The following CLDN14 variants were observed in gnomAD, a reference collection of about 807,000 sequenced individuals.
CLDN14 encodes the protein claudin 14.
CLDN14 carries 2 observed loss-of-function variants against 2.1 expected under a neutral mutation model. The observed-to-expected ratio is 0.96, with a 90% confidence interval of 0.39 to 3.01. The LOEUF is 3.01. Ranked by LOEUF, CLDN14 falls within the 30% of genes most tolerant of loss-of-function variation. The pLI, the probability that CLDN14 is intolerant of heterozygous loss-of-function variation, is 0.09. For missense variants in CLDN14, 298 were observed against 328.0 expected (o/e 0.91, Z 0.71); for synonymous variants, 136 against 154.4 (o/e 0.88, Z 0.88).
In CLDN14 at chr21:36,499,809, G is replaced by C. The variant is rs1411629482; in HGVS notation, c.-82+10554C>G. 6.6e-6 allele frequency among the ~76,000 whole-genome samples: 1 copy of C among 152,100 alleles called. No individual in the cohort carries two copies. The highest frequency in any genetic ancestry group is 6.5e-5 in the Admixed American group (1 of 15,268). On this transcript the variant is annotated intron_variant, in intron 2 of 2. Transcript: ENST00000342108. The surrounding 1 kb of genome is among the most constrained non-coding windows in gnomAD (Gnocchi z 4.7). ...GCCAGCAGGGATTTATTGCTCCTTA[G>C]ATGATCAATGCTGCCCCCAGGGCTG...
intron 1 of CLDN14, among the ~76,000 whole-genome samples, chr21:36,515,558 A>G (rs2087221017): frequency 6.6e-6 from 1 of 151,448 alleles, no homozygotes; most frequent in Non-Finnish European, 1.5e-5. Context: ...CTGTAATCCC[A>G]GCTACTTAGG....
intron 1 of CLDN14, among the ~76,000 whole-genome samples, chr21:36,565,659 G>T (rs2087668277): frequency 6.6e-6 from 1 of 152,210 alleles, no homozygotes; most frequent in African/African-American, 2.4e-5. Context: ...TGAACATCGG[G>T]GAGAGGGCTG....
chr21:36,568,762 C>G lies in CLDN14; in HGVS notation c.-220+7649G>C, dbSNP rs540295162. Reference sequence around the variant, plus strand: ...AGGGAAATATTCATTTTTCTACACCCTCTTTCCTCTTCTCACAGACACGCC... The same window carrying G: ...AGGGAAATATTCATTTTTCTACACCGTCTTTCCTCTTCTCACAGACACGCC... On this transcript the variant is annotated intron_variant, in intron 1 of 2. Coordinates refer to the CLDN14 transcript ENST00000342108. 2.2e-3 allele frequency among the ~76,000 whole-genome samples: 342 copies of G among 152,300 alleles called. 1 individual carries two copies. The highest frequency in any genetic ancestry group is 7.4e-3 in the African/African-American group (308 of 41,568).
In CLDN14 at chr21:36,534,465, G is replaced by A. The variant is rs185033596; in HGVS notation, c.-219-23965C>T. Among the ~76,000 whole-genome samples, 311 of 152,232 alleles carry A rather than the reference G, an allele frequency of 2.0e-3. 1 individual carries two copies. The highest frequency in any genetic ancestry group is 3.4e-3 in the Middle Eastern group (1 of 294). ...CAAGTACAGGATGATAAAAACATAT[G>A]GGTTTAGGACAACTCCCCGTCACAT... is the stretch of plus-strand genomic sequence containing the variant. On this transcript the variant is annotated intron_variant, in intron 1 of 2. Transcript: ENST00000342108.
chr21:36,461,681 G>A lies in CLDN14; in HGVS notation c.15C>T (p.Ala5=), dbSNP rs387907416. The A allele has an allele frequency of 2.0e-5, 31 of 1,552,218 alleles. No homozygotes were observed. Among genetic ancestry groups the A allele is most frequent in the Non-Finnish European group, 2.5e-5 (29 of 1,148,442 alleles). Reference sequence around the variant, plus strand: ...TGAGCAGGAAGCCCAGAAGCTGCACGGCCGTGCTGGCCATGGTGCGGCTGC... The same window carrying A: ...TGAGCAGGAAGCCCAGAAGCTGCACAGCCGTGCTGGCCATGGTGCGGCTGC... MAST[A]VQLLGFLLSF... The change falls in exon 2 of 2, where the codon GCC becomes GCT. Residue 5 remains alanine, a synonymous_variant. Coordinates refer to ENST00000399135, the MANE Select transcript of CLDN14 (RefSeq NM_001146079.2).
chr21:36,463,026 G>T (rs1256558900), intron 1 of CLDN14, among the ~76,000 whole-genome samples: 1 of 152,082 alleles, frequency 6.6e-6, no homozygotes, highest in Non-Finnish European at 1.5e-5. Context: ...GCAAGGAAGG[G>T]GGAGCACAGA....
chr21:36,481,063 G>C (rs1335666639), upstream of CLDN14: 2 of 152,264 alleles, frequency 1.3e-5, no homozygotes, highest in East Asian at 3.9e-4. Flanking sequence ...TTTTTGGTCT[G>C]TTTTTGGAAG....
intron 2 of CLDN14, among the ~76,000 whole-genome samples, chr21:36,508,721 G>C (rs2087156632): frequency 6.6e-6 from 1 of 152,208 alleles, no homozygotes; most frequent in African/African-American, 2.4e-5. Flanking sequence ...TGTTAGCCAG[G>C]GTGGGCCAGC....
intron 1 of CLDN14, among the ~76,000 whole-genome samples, chr21:36,553,637 C>T (rs567169474): frequency 1.3e-5 from 2 of 152,090 alleles, no homozygotes; most frequent in African/African-American, 4.8e-5. Context: ...AGCCAGCCCT[C>T]CCCTACCACA....
At chr21:36,575,451 C>G (rs1362141872) in intron 1 of CLDN14, among the ~76,000 whole-genome samples, 3 of 152,196 alleles carry the variant, frequency 2.0e-5, no homozygotes, top group Non-Finnish European at 2.9e-5. Context: ...GGTGAAGTAA[C>G]TTCTATCGAG....
chr21:36,518,667 A>T (rs1323961457), intron 1 of CLDN14, among the ~76,000 whole-genome samples: 1 of 152,198 alleles, frequency 6.6e-6, no homozygotes, highest in African/African-American at 2.4e-5. Context: ...AATTCAATAA[A>T]TGTGGTGTTT....
chr21:36,463,768 G>C (rs986364659), intron 1 of CLDN14, among the ~76,000 whole-genome samples: 1 of 152,082 alleles, frequency 6.6e-6, no homozygotes, highest in Non-Finnish European at 1.5e-5. Context: ...TCCTCTACTA[G>C]ATGTAAATCA....
intron 1 of CLDN14, among the ~76,000 whole-genome samples, chr21:36,523,121 T>C (rs1394460452): frequency 6.6e-6 from 1 of 152,190 alleles, no homozygotes; most frequent in Admixed American, 6.5e-5. Flanking sequence ...GGGAGCAAGC[T>C]TGATTGTCTG....
intron 1 of CLDN14, among the ~76,000 whole-genome samples, chr21:36,570,566 C>T (rs1438057840): frequency 6.6e-6 from 1 of 152,064 alleles, no homozygotes; most frequent in African/African-American, 2.4e-5. Context: ...GGACGGCAAA[C>T]AAAATGCATG....
chr21:36,484,189 C>T (rs79227324), upstream of CLDN14, among the ~76,000 whole-genome samples: 2,432 of 152,246 alleles, frequency 0.016, 72 homozygotes, highest in African/African-American at 0.055. Context: ...GCCCCAAAGA[C>T]GAGTGAGGTA....
intron 1 of CLDN14, among the ~76,000 whole-genome samples, chr21:36,521,791 G>A (rs2835380): frequency 0.13 from 19,730 of 152,128 alleles, 2,443 homozygotes; most frequent in African/African-American, 0.32. Flanking sequence ...GATGGGGACG[G>A]AGGTCAGCAA....
intron 1 of CLDN14, among the ~76,000 whole-genome samples, chr21:36,477,856 A>G (rs752335915): frequency 5.8e-4 from 89 of 152,370 alleles, no homozygotes; most frequent in Non-Finnish European, 1.1e-3. Flanking sequence ...TGGCCCTGGC[A>G]GCCACTTGTC....
intron 1 of CLDN14, among the ~76,000 whole-genome samples, chr21:36,543,992 G>A (rs928169926): frequency 6.6e-6 from 1 of 152,204 alleles, no homozygotes; most frequent in African/African-American, 2.4e-5. Context: ...GATCCCCAAG[G>A]CTGCAGCCAG....
intron 2 of CLDN14, among the ~76,000 whole-genome samples, chr21:36,501,487 A>G (rs1389004911): frequency 6.6e-6 from 1 of 151,864 alleles, no homozygotes; most frequent in East Asian, 1.9e-4. Flanking sequence ...CAAAGAGCAC[A>G]GACAAGGTCC....
Sources: allele counts gnomAD v4.1 joint callset (sites outside exome capture counted in the v4.1 genomes callset), GRCh38; gene constraint gnomAD v4.1.1; non-coding constraint Gnocchi (gnomAD v3.1); transcripts MANE v1.5; gene names NCBI Gene and HGNC (gene_info 2026-07-23, HGNC 2026-07-21).